PTPRJ: variants seen among roughly 807,000 people sequenced by gnomAD.
PTPRJ encodes receptor-type tyrosine-protein phosphatase eta.
Under a neutral mutation model 141.3 loss-of-function variants are expected in PTPRJ, and 129 were observed. The ratio of observed to expected loss-of-function variants is 0.91; its 90% CI spans 0.79 to 1.06. The LOEUF (loss-of-function observed/expected upper bound fraction) is 1.06. Ranked by LOEUF, PTPRJ falls within the 50% of genes least tolerant of loss-of-function variation. PTPRJ has a pLI of 0.00. For synonymous variants in PTPRJ, 610 were observed against 640.5 expected (o/e 0.95, Z 0.72); for missense variants, 1,601 against 1,679.7 (o/e 0.95, Z 0.82).
intron 22 of PTPRJ, among the ~76,000 whole-genome samples, chr11:48,160,840 G>A (rs572483216): frequency 1.4e-4 from 21 of 152,214 alleles, no homozygotes; most frequent in African/African-American, 4.6e-4. Context: ...TTTGCAGAAT[G>A]GATAACTTAA....
At chr11:48,075,792 T>C (rs1855383087) in intron 1 of PTPRJ, among the ~76,000 whole-genome samples, 1 of 152,208 alleles carries the variant, frequency 6.6e-6, no homozygotes, top group African/African-American at 2.4e-5. Context: ...TGGCTGCTGC[T>C]TTCTGCCACA....
chr11:48,056,034 T>C, intron 1 of PTPRJ, among the ~76,000 whole-genome samples: 1 of 152,132 alleles, frequency 6.6e-6, no homozygotes, highest in Non-Finnish European at 1.5e-5. Context: ...GGAAGTGGGT[T>C]TTCAGGTTGT....
chr11:48,096,911 C>G (rs1856018349), intron 1 of PTPRJ: 1 of 154,670 alleles, frequency 6.5e-6, no homozygotes, highest in Non-Finnish European at 1.5e-5. Flanking sequence ...GATTTCTTGC[C>G]ATTGAAATTT....
chr11:48,061,895 G>C (rs1051578054), intron 1 of PTPRJ, among the ~76,000 whole-genome samples: 14 of 151,382 alleles, frequency 9.2e-5, no homozygotes, highest in Middle Eastern at 3.4e-3. Flanking sequence ...GGATCATAAT[G>C]GCACCAACTT....
rs187701645 is a variant in PTPRJ, at chr11:47,989,412, G to A, written c.96+8404G>A. 8.8e-3 allele frequency among the ~76,000 whole-genome samples: 1,338 copies of A among 151,662 alleles called. 25 individuals carry two copies. Among genetic ancestry groups the A allele is most frequent in the African/African-American group, 0.031 (1,266 of 41,350 alleles). On this transcript the variant is annotated intron_variant, in intron 1 of 24. Transcript: ENST00000418331. ...TTTCTGAGTAGCTGGGATTACAGGC[G>A]TGTGCCACCACGCCCAGCTAATTTT...
rs538536145 is a variant in PTPRJ, at chr11:47,993,745, G to C, written c.96+12737G>C. On this transcript the variant is annotated intron_variant, in intron 1 of 24. Transcript: ENST00000418331. ...TAGGCTCCGGCACTGATTTGCATGG[G>C]CCTGAATGAACCTTCTGGAGATTGT... Among the ~76,000 whole-genome samples, 9 of 152,276 alleles carry C rather than the reference G, an allele frequency of 5.9e-5. No homozygotes were observed. In the South Asian group the frequency reaches 1.5e-3, roughly 25 times the overall value.
intron 1 of PTPRJ, among the ~76,000 whole-genome samples, chr11:48,066,721 G>A (rs1855094378): frequency 6.6e-6 from 1 of 151,940 alleles, no homozygotes. Flanking sequence ...AAGTAGCTAG[G>A]ATTACAGGCT....
intron 24 of PTPRJ, 43 bp downstream of exon 24, chr11:48,164,558 A>ATTTTTTTTTTT: frequency 3.9e-6 from 3 of 771,728 alleles, no homozygotes; most frequent in Non-Finnish European, 4.9e-6. Context: ...CTTCCCCTCC[A>ATTTTTTTTTTT]TTTTTTTTTT....
chr11:48,107,254 A>G (rs1856316805), intron 1 of PTPRJ, among the ~76,000 whole-genome samples: 1 of 146,874 alleles, frequency 6.8e-6, no homozygotes, highest in South Asian at 2.1e-4. Flanking sequence ...GCTGGCAAGG[A>G]AAAAAAAAAA....
chr11:48,058,517 G>T lies in PTPRJ; in HGVS notation c.97-51541G>T, dbSNP rs1386433802. Among the ~76,000 whole-genome samples the T allele has an allele frequency of 2.6e-5, 4 of 152,094 alleles. No homozygotes were observed. In the East Asian group the frequency reaches 7.8e-4, roughly 29 times the overall value. On this transcript the variant is annotated intron_variant, in intron 1 of 24. Coordinates refer to ENST00000418331, the MANE Select transcript of PTPRJ (RefSeq NM_002843.4). ...TGTGAGCCACTTTACCCAGCCTTGGGTCTTCCTTGACTCCTGACTCTCAAA... is the reference window on the plus strand; with the variant it reads ...TGTGAGCCACTTTACCCAGCCTTGGTTCTTCCTTGACTCCTGACTCTCAAA...
intron 8 of PTPRJ, chr11:48,131,939 T>C (rs1317329309): frequency 3.5e-5 from 6 of 170,950 alleles, no homozygotes; most frequent in African/African-American, 1.2e-4. Context: ...GATGACATTG[T>C]CTCTCAGGTC....
Position 48,167,618 on chromosome 11 carries a change from C to A in PTPRJ, c.*256C>A. The A allele has an allele frequency of 3.0e-6, 1 of 338,654 alleles. No individual in the cohort carries two copies. The highest frequency in any genetic ancestry group is 5.3e-6 in the Non-Finnish European group (1 of 190,228). The allele number at this position is 338,654 out of a possible 1,614,324, so 21.0% of individuals were successfully genotyped here. A position where few individuals can be genotyped will look rare whatever the true frequency, so the allele number is the denominator to read the frequency against. The stretch of plus-strand genomic sequence containing the variant: ...TGAGGTCACTTTTTTTTTTTTTCCC[C>A]CTTGAGGATTGTGGAAAACCAGGAA... On this transcript the variant is annotated 3_prime_UTR_variant, in exon 25 of 25. Transcript: ENST00000418331.
chr11:47,987,364 A>G (rs1388553579), intron 1 of PTPRJ, among the ~76,000 whole-genome samples: 3 of 152,224 alleles, frequency 2.0e-5, no homozygotes, highest in Non-Finnish European at 4.4e-5. Context: ...AAAGAAAAAC[A>G]TTGGGTAAAT....
At chr11:48,110,036 C>T (rs549390123) in intron 1 of PTPRJ, 22 bp from the exon 2 acceptor site, 1 of 1,613,430 alleles carries the variant, frequency 6.2e-7, no homozygotes, top group South Asian at 1.1e-5. Context: ...CTGCTGACTT[C>T]CGTTTTCTTT....
At position 48,129,914 on chromosome 11, in the gene PTPRJ, C is replaced by G. The variant is rs771319318; in HGVS notation, c.1358-545C>G. On this transcript the variant is annotated intron_variant, in intron 7 of 24. Coordinates refer to ENST00000418331, the MANE Select transcript of PTPRJ (RefSeq NM_002843.4). ...ACTTCCTAGAAGTCACCCAGTACCT[C>G]TGCTCATGCTTCGTTGAGCAAAACT... 2.6e-4 allele frequency among the ~76,000 whole-genome samples: 40 copies of G among 152,162 alleles called. 1 individual carries two copies. Among genetic ancestry groups the G allele is most frequent in the Admixed American group, 6.6e-5 (1 of 15,266 alleles).
At chr11:48,052,866 T>C (rs1257834167) in intron 1 of PTPRJ, among the ~76,000 whole-genome samples, 1 of 151,362 alleles carries the variant, frequency 6.6e-6, no homozygotes, top group Admixed American at 6.6e-5. Flanking sequence ...AGCTGTGCCC[T>C]CTCCACCACC....
intron 1 of PTPRJ, among the ~76,000 whole-genome samples, chr11:48,090,680 A>G (rs1855845494): frequency 6.6e-6 from 1 of 152,222 alleles, no homozygotes; most frequent in Non-Finnish European, 1.5e-5. Flanking sequence ...TAAATACCTT[A>G]TGATGAACAT....
intron 1 of PTPRJ, among the ~76,000 whole-genome samples, chr11:48,092,464 C>T (rs554906139): frequency 6.6e-6 from 1 of 151,380 alleles, no homozygotes; most frequent in East Asian, 2.0e-4. Flanking sequence ...GAGTCTTGCT[C>T]TGTTGCCCAG....
chr11:48,139,580 C>A lies in PTPRJ; in HGVS notation c.2247C>A (p.Gly749=). The change falls in exon 11 of 25, where the codon GGC becomes GGA. Residue 749 remains glycine (G), a synonymous_variant. Coordinates refer to ENST00000418331, the MANE Select transcript of PTPRJ (RefSeq NM_002843.4). ...CCTGCCCTCCTGGCGCCAATGCAGG[C>A]TTTGAGCTGGAGGTCAGCAGTGGAG... ...KWTCPPGANA[G]FELEVSSGAW... is the part of the protein sequence containing the mutation. 1 of 1,614,254 alleles carries A rather than the reference C, an allele frequency of 6.2e-7. No homozygotes were observed. The highest frequency in any genetic ancestry group is 8.5e-7 in the Non-Finnish European group (1 of 1,180,044).
Sources: allele counts gnomAD v4.1 joint callset (sites outside exome capture counted in the v4.1 genomes callset), GRCh38; gene constraint gnomAD v4.1.1; transcripts MANE v1.5; gene names NCBI Gene and HGNC (gene_info 2026-07-23, HGNC 2026-07-21).